Variants in SOX6 observed in about 807,000 individuals in gnomAD.
SOX6 encodes transcription factor SOX-6.
A neutral mutation model predicts 97.8 loss-of-function variants in SOX6; 11 were observed. The observed-to-expected ratio is 0.11, with a 90% CI of 0.07 to 0.19. The LOEUF is 0.19. Ranked by LOEUF, SOX6 falls within the 10% of genes least tolerant of loss-of-function variation. The pLI, the probability that SOX6 is intolerant of heterozygous loss-of-function variation, is 1.00. For missense variants in SOX6, 810 were observed against 1,039.5 expected (o/e 0.78, Z 3.04); for synonymous variants, 360 against 371.4 (o/e 0.97, Z 0.35).
At chr11:16,682,448 A>C (rs139790698) in intron 3 of SOX6, among the ~76,000 whole-genome samples, 1,695 of 152,370 alleles carry the variant, frequency 0.011, 25 homozygotes, top group African/African-American at 0.039. Flanking sequence ...CAAATCAATA[A>C]ACATAATCCA....
intron 4 of SOX6, among the ~76,000 whole-genome samples, chr11:16,525,450 T>TC (rs1861142156): frequency 6.6e-6 from 1 of 152,050 alleles, no homozygotes; most frequent in Non-Finnish European, 1.5e-5. Context: ...TGAAATTGGA[T>TC]CCCTTCCTTA....
intron 7 of SOX6, among the ~76,000 whole-genome samples, chr11:16,098,537 C>A (rs1437719986): frequency 6.6e-6 from 1 of 151,634 alleles, no homozygotes; most frequent in Non-Finnish European, 1.5e-5. Flanking sequence ...TGTGCAGTAA[C>A]CTGAAGAACC....
intron 4 of SOX6, among the ~76,000 whole-genome samples, chr11:16,521,454 G>A (rs925241708): frequency 6.6e-6 from 1 of 150,932 alleles, no homozygotes; most frequent in Non-Finnish European, 1.5e-5. Flanking sequence ...CAAACAGAAA[G>A]GACATCTACA....
chr11:16,650,233 G>A (rs1369857605), intron 3 of SOX6, among the ~76,000 whole-genome samples: 3 of 152,072 alleles, frequency 2.0e-5, no homozygotes, highest in African/African-American at 4.8e-5. Flanking sequence ...CATCAACACA[G>A]AAAATCAACA....
intron 3 of SOX6, among the ~76,000 whole-genome samples, chr11:16,278,828 GT>G (rs1241724043): frequency 3.3e-5 from 5 of 152,010 alleles, no homozygotes; most frequent in African/African-American, 9.7e-5. Context: ...ATCTAATGGG[GT>G]AAAGAAAATT....
chr11:16,303,127 A>G (rs1855315947), intron 3 of SOX6, among the ~76,000 whole-genome samples: 2 of 152,220 alleles, frequency 1.3e-5, no homozygotes, highest in Admixed American at 6.5e-5. Flanking sequence ...ATATGTATAC[A>G]TATGTTGTTA....
chr11:16,109,024 A>AG (rs1359033370), intron 7 of SOX6, among the ~76,000 whole-genome samples: 2 of 152,112 alleles, frequency 1.3e-5, no homozygotes, highest in African/African-American at 4.8e-5. Context: ...GAAAGTGGAA[A>AG]GGGAAAAAAA....
At chr11:16,094,215 T>C (rs1201768230) in intron 9 of SOX6, among the ~76,000 whole-genome samples, 1 of 150,618 alleles carries the variant, frequency 6.6e-6, no homozygotes, top group Non-Finnish European at 1.5e-5. Flanking sequence ...ACTACAGCAC[T>C]ACAGAGCTCT....
intron 4 of SOX6, among the ~76,000 whole-genome samples, chr11:16,601,345 T>C (rs1030335658): frequency 2.0e-5 from 3 of 152,162 alleles, no homozygotes; most frequent in African/African-American, 4.8e-5. Flanking sequence ...GTGCCTGATA[T>C]GGTATTCTCA....
intron 4 of SOX6, among the ~76,000 whole-genome samples, chr11:16,574,832 G>A (rs1847967869): frequency 6.6e-6 from 1 of 152,024 alleles, no homozygotes; most frequent in Non-Finnish European, 1.5e-5. Flanking sequence ...CACAAGGTCA[G>A]GAGTTTGAGA....
In SOX6 at chr11:16,270,634, T is replaced by C. The variant is rs79345380; in HGVS notation, c.446-35963A>G. Among the ~76,000 whole-genome samples, 1,066 of 114,148 alleles carry C rather than the reference T, an allele frequency of 9.3e-3. 11 individuals carry two copies. The highest frequency in any genetic ancestry group is 0.033 in the African/African-American group (1,021 of 31,124). 74.9% of individuals were successfully genotyped at this position (114,148 alleles called of 152,430 possible). Reference sequence around the variant, plus strand: ...AATAGATGAATGAACAAACAAAATGTAATAACACACACACACACAAACACA... The same window carrying C: ...AATAGATGAATGAACAAACAAAATGCAATAACACACACACACACAAACACA... On this transcript the variant is annotated intron_variant, in intron 3 of 15. Transcript: ENST00000683767.
chr11:16,699,169 G>A (rs73421103), intron 3 of SOX6, among the ~76,000 whole-genome samples: 48 of 152,272 alleles, frequency 3.2e-4, no homozygotes, highest in African/African-American at 1.1e-3. Flanking sequence ...GGATTTATAT[G>A]ACAGGCATTA....
chr11:16,554,524 G>C (rs571065947), intron 4 of SOX6, among the ~76,000 whole-genome samples: 4 of 152,022 alleles, frequency 2.6e-5, no homozygotes, highest in Non-Finnish European at 4.4e-5. Context: ...GTTCACATTA[G>C]GTTTTATTCC....
At chr11:16,477,148 C>G (rs1860267157), upstream of SOX6, among the ~76,000 whole-genome samples, 1 of 152,164 alleles carries the variant, frequency 6.6e-6, no homozygotes, top group Admixed American at 6.6e-5. Flanking sequence ...AACTTTGTTA[C>G]AGAGGCTGTA....
chr11:16,277,981 C>T (rs549691604), intron 3 of SOX6, among the ~76,000 whole-genome samples: 1 of 152,278 alleles, frequency 6.6e-6, no homozygotes, highest in South Asian at 2.1e-4. Context: ...ATTAAAAGCA[C>T]TTGGCCAATG....
rs1590022148 is a variant in SOX6, at chr11:16,200,700, C to G, written c.536-13745G>C. ...ATCTACTTGATCACCTTTTTGGCAACAATAATATATAAAATCTTCTAAATT... is the reference window on the plus strand; with the variant it reads ...ATCTACTTGATCACCTTTTTGGCAAGAATAATATATAAAATCTTCTAAATT... On this transcript the variant is annotated intron_variant, in intron 4 of 15. Coordinates refer to ENST00000683767, the MANE Select transcript of SOX6 (RefSeq NM_001367873.1). Among the ~76,000 whole-genome samples the G allele has an allele frequency of 2.6e-5, 4 of 152,202 alleles. No homozygotes were observed. In the South Asian group the frequency reaches 8.3e-4, roughly 32 times the overall value.
At chr11:16,656,673 T>C (rs1420260335) in intron 3 of SOX6, among the ~76,000 whole-genome samples, 1 of 152,196 alleles carries the variant, frequency 6.6e-6, no homozygotes, top group African/African-American at 2.4e-5. Context: ...CCAATGACCA[T>C]AAATTGCTTT....
chr11:16,091,180 G>T (rs1055102425), intron 9 of SOX6, among the ~76,000 whole-genome samples: 3 of 152,076 alleles, frequency 2.0e-5, no homozygotes, highest in African/African-American at 7.2e-5. Context: ...ATCAAGAAAA[G>T]AGTCAGAAGG....
intron 6 of SOX6, among the ~76,000 whole-genome samples, chr11:16,112,638 C>T (rs187075747): frequency 1.6e-4 from 24 of 152,122 alleles, no homozygotes; most frequent in African/African-American, 4.1e-4. Flanking sequence ...TTCATTTGAC[C>T]TCAATAAATG....
Sources: gnomAD v4.1 joint callset for allele counts (sites outside exome capture counted in the v4.1 genomes callset) on GRCh38, gnomAD v4.1.1 for gene constraint, MANE v1.5 for transcripts, NCBI Gene and HGNC (gene_info 2026-07-23, HGNC 2026-07-21) for gene names.